The following CADPS variants were observed in gnomAD, a reference collection of about 807,000 sequenced individuals.
CADPS encodes calcium-dependent secretion activator 1.
A neutral mutation model predicts 167.3 loss-of-function variants in CADPS; 57 were observed. The ratio of observed to expected loss-of-function variants is 0.34; its 90% CI spans 0.28 to 0.42. CADPS has a LOEUF of 0.42. CADPS is among the 20% of genes least tolerant of loss of function. CADPS has a pLI of 1.00. For missense variants in CADPS, 1,414 were observed against 1,738.1 expected, an observed-to-expected ratio of 0.81 and a Z score of 3.32; for synonymous variants, 676 against 635.3, an observed-to-expected ratio of 1.06 and a Z score of -0.96.
intron 27 of CADPS, among the ~76,000 whole-genome samples, chr3:62,443,935 A>G (rs2056794490): frequency 6.6e-6 from 1 of 152,188 alleles, no homozygotes. Context: ...CTGCCCTCCC[A>G]TCTTTATAAT....
At chr3:62,706,435 T>C (rs2082315496) in intron 3 of CADPS, among the ~76,000 whole-genome samples, 1 of 152,120 alleles carries the variant, frequency 6.6e-6, no homozygotes, top group Admixed American at 6.5e-5. Context: ...CCTCCCTATC[T>C]TGAAATAGGA....
At chr3:62,482,699 A>G (rs1476355287) in intron 21 of CADPS, among the ~76,000 whole-genome samples, 4 of 152,206 alleles carry the variant, frequency 2.6e-5, no homozygotes, top group Non-Finnish European at 5.9e-5. Flanking sequence ...TTACCCTTGG[A>G]AGTGGGACAG....
intron 6 of CADPS, among the ~76,000 whole-genome samples, chr3:62,629,474 C>T (rs1239710356): frequency 6.6e-6 from 1 of 152,204 alleles, no homozygotes; most frequent in East Asian, 1.9e-4. Context: ...CTAAACAGTA[C>T]ACCCATAGAT....
chr3:62,612,247 T>G (rs1230395868), intron 6 of CADPS, among the ~76,000 whole-genome samples: 1 of 152,194 alleles, frequency 6.6e-6, no homozygotes, highest in African/African-American at 2.4e-5. Context: ...GTTATCAGAG[T>G]TCTTATGAAG....
chr3:62,664,016 T>C (rs577013233), intron 3 of CADPS, among the ~76,000 whole-genome samples: 1 of 152,270 alleles, frequency 6.6e-6, no homozygotes, highest in East Asian at 1.9e-4. Flanking sequence ...CTATTTATTT[T>C]TTTTCCCCCG....
intron 17 of CADPS, 142 bp from the exon 18 acceptor site, chr3:62,499,410 G>C (rs533831939): frequency 1.2e-5 from 7 of 583,868 alleles, no homozygotes; most frequent in Admixed American, 2.7e-5. Context: ...CATGTAATTA[G>C]TAGTGAGCAA....
chr3:62,538,505 G>T (rs1229250156), intron 11 of CADPS, among the ~76,000 whole-genome samples: 15 of 152,104 alleles, frequency 9.9e-5, no homozygotes, highest in Admixed American at 9.2e-4. Context: ...AATTGCTCAT[G>T]CTGTTTCATC....
At chr3:62,510,636 G>A (rs947634118) in intron 17 of CADPS, among the ~76,000 whole-genome samples, 1 of 152,018 alleles carries the variant, frequency 6.6e-6, no homozygotes, top group Non-Finnish European at 1.5e-5. Context: ...AATGCCATCT[G>A]CATAGCCCTG....
At chr3:62,539,132 A>AG (rs2075271166) in intron 11 of CADPS, among the ~76,000 whole-genome samples, 1 of 152,076 alleles carries the variant, frequency 6.6e-6, no homozygotes, top group African/African-American at 2.4e-5. Flanking sequence ...GCATGAGCCT[A>AG]GGACTGGATC....
At chr3:62,723,326 C>G (rs146136858) in intron 3 of CADPS, among the ~76,000 whole-genome samples, 12 of 152,160 alleles carry the variant, frequency 7.9e-5, no homozygotes, top group Admixed American at 7.2e-4. Context: ...TGACCAGGCT[C>G]TAAATCATCT....
chr3:62,422,982 T>C (rs1021347519), intron 28 of CADPS, among the ~76,000 whole-genome samples: 3 of 152,174 alleles, frequency 2.0e-5, no homozygotes, highest in Non-Finnish European at 4.4e-5. Flanking sequence ...ACCCCCCAAA[T>C]AAACCACAAA....
intron 11 of CADPS, among the ~76,000 whole-genome samples, chr3:62,540,426 A>G (rs1376083777): frequency 1.3e-5 from 2 of 152,030 alleles, no homozygotes; most frequent in African/African-American, 4.8e-5. Context: ...CCAGGTCCTC[A>G]GGAGGGGTTA....
At chr3:62,454,090 G>C (rs2058401067) in intron 26 of CADPS, among the ~76,000 whole-genome samples, 1 of 152,122 alleles carries the variant, frequency 6.6e-6, no homozygotes, top group South Asian at 2.1e-4. Flanking sequence ...CCATTTGAAA[G>C]AAAAGAGTTA....
chr3:62,802,871 T>A (rs980633921), intron 1 of CADPS, among the ~76,000 whole-genome samples: 4 of 152,132 alleles, frequency 2.6e-5, no homozygotes, highest in Non-Finnish European at 5.9e-5. Flanking sequence ...AGAATGTTGA[T>A]CCAGAGAAAA....
At chr3:62,680,569 T>C (rs1467781583) in intron 3 of CADPS, among the ~76,000 whole-genome samples, 2 of 151,976 alleles carry the variant, frequency 1.3e-5, no homozygotes, top group Non-Finnish European at 2.9e-5. Flanking sequence ...CATTACCTAT[T>C]TCTTCCTTAC....
intron 3 of CADPS, among the ~76,000 whole-genome samples, chr3:62,684,430 C>A (rs1203775381): frequency 6.6e-6 from 1 of 151,982 alleles, no homozygotes; most frequent in African/African-American, 2.4e-5. Context: ...TAGAATCAGC[C>A]ATTTCAAACA....
chr3:62,747,981 A>C (rs1477176536), intron 3 of CADPS, among the ~76,000 whole-genome samples: 2 of 152,002 alleles, frequency 1.3e-5, no homozygotes, highest in Non-Finnish European at 2.9e-5. Flanking sequence ...ACATCTTCAA[A>C]ATTAGCTGGA....
chr3:62,686,567 T>C (rs2078077944), intron 3 of CADPS, among the ~76,000 whole-genome samples: 1 of 152,052 alleles, frequency 6.6e-6, no homozygotes, highest in African/African-American at 2.4e-5. Flanking sequence ...ATAAAAATAT[T>C]GTCAATCTGC....
intron 1 of CADPS, among the ~76,000 whole-genome samples, chr3:62,852,618 C>G (rs911103362): frequency 1.3e-5 from 2 of 150,430 alleles, no homozygotes; most frequent in Non-Finnish European, 3.0e-5. Context: ...AAAAAAAAAG[C>G]TGGCCCAGGT....
Sources: allele counts gnomAD v4.1 joint callset (sites outside exome capture counted in the v4.1 genomes callset), GRCh38; gene constraint gnomAD v4.1.1; transcripts MANE v1.5; gene names NCBI Gene and HGNC (gene_info 2026-07-23, HGNC 2026-07-21).